The following USP50 variants were observed in gnomAD, a reference collection of about 807,000 sequenced individuals.
The protein encoded by USP50 is ubiquitin carboxyl-terminal hydrolase 50.
In USP50, 37 loss-of-function variants were observed where a neutral mutation model predicts 39.2. The ratio of observed to expected loss-of-function variants is 0.94; its 90% confidence interval spans 0.73 to 1.24. The LOEUF (loss-of-function observed/expected upper bound fraction) is 1.24, where lower values mean the gene tolerates loss of function less well. USP50 is among the 50% of genes most tolerant of loss of function. USP50 has a pLI of 0.00. For synonymous variants in USP50, 139 were observed against 144.5 expected, an observed-to-expected ratio of 0.96 and a Z score of 0.27; for missense variants, 374 against 398.2, an observed-to-expected ratio of 0.94 and a Z score of 0.52.
At chr15:50,522,911 G>A (rs2052861208) in intron 6 of USP50, among the ~76,000 whole-genome samples, 1 of 152,016 alleles carries the variant, frequency 6.6e-6, no homozygotes, top group Admixed American at 6.6e-5. Flanking sequence ...GCCTCCCAAA[G>A]TGCTGGGATT....
At chr15:50,522,753 C>A (rs761815432) in intron 6 of USP50, among the ~76,000 whole-genome samples, 1 of 152,120 alleles carries the variant, frequency 6.6e-6, no homozygotes, top group Non-Finnish European at 1.5e-5. Flanking sequence ...TCAAGTGATT[C>A]TCCTGCCTCA....
At chr15:50,506,589 G>A (rs1031656719) in intron 6 of USP50, 2 of 152,082 alleles carry the variant, frequency 1.3e-5, no homozygotes, top group East Asian at 3.8e-4. Flanking sequence ...AGAAGATGAC[G>A]ACAAGTAAAT....
At chr15:50,540,974 G>T in intron 4 of USP50, 75 bp downstream of exon 4, 2 of 1,141,014 alleles carry the variant, frequency 1.8e-6, no homozygotes, top group Admixed American at 2.1e-5. Context: ...CTAAACAAAT[G>T]TAGGAAACAG....
At chr15:50,499,679 C>T (rs1320338240), downstream of USP50, 3 of 151,574 alleles carry the variant, frequency 2.0e-5, no homozygotes, top group East Asian at 5.8e-4. Context: ...TGTATTTGTG[C>T]ACTAAATCTT....
At chr15:50,541,508 G>A (rs192001198) in intron 3 of USP50, among the ~76,000 whole-genome samples, 37 of 151,292 alleles carry the variant, frequency 2.4e-4, no homozygotes, top group Non-Finnish European at 4.4e-4. Context: ...GTGAGACCAT[G>A]TTTCCAAAAA....
intron 6 of USP50, chr15:50,514,322 C>T (rs1411345568): frequency 6.6e-6 from 1 of 152,190 alleles, no homozygotes. Context: ...CTGCTGGTTA[C>T]ATGGGTATGT....
At chr15:50,538,899 C>T (rs1351610408) in intron 4 of USP50, 48 bp from the exon 5 acceptor site, 1 of 1,554,066 alleles carries the variant, frequency 6.4e-7, no homozygotes, top group East Asian at 2.3e-5. Context: ...TCAACTGCAA[C>T]CTGCACTCTC....
At chr15:50,493,352 A>G, downstream of USP50, 1 of 520,310 alleles carries the variant, frequency 1.9e-6, no homozygotes, top group Non-Finnish European at 3.8e-6. Context: ...CAGTATGTGA[A>G]TAATTTCATG....
intron 5 of USP50, among the ~76,000 whole-genome samples, chr15:50,534,914 G>C (rs1326489220): frequency 2.0e-5 from 3 of 152,168 alleles, no homozygotes; most frequent in Non-Finnish European, 4.4e-5. Flanking sequence ...GCCGAGGTGG[G>C]CGGGCCACTT....
chr15:50,513,882 A>G (rs184907141), intron 6 of USP50: 1 of 152,202 alleles, frequency 6.6e-6, no homozygotes, highest in Admixed American at 6.5e-5. Flanking sequence ...AGCCAGACAT[A>G]TGCGTATTTC....
rs749571683 is a variant in USP50, at chr15:50,500,802, A to G, written c.972T>C (p.Thr324=). The G allele has an allele frequency of 7.5e-6, 12 of 1,590,556 alleles. No homozygotes were observed. In the Admixed American group the frequency reaches 1.8e-4, roughly 24 times the overall value. ...HFGDLDGGHY[T]AFCKNSVTQA The stretch of plus-strand genomic sequence containing the variant: ...GGGTGACTGAATTCTTGCAGAAAGC[A>G]GTGTAGTGGCCACCATCCAAATCAC... The change falls in exon 7 of 7, where the codon ACT becomes ACC. Residue 324 remains threonine (T), a synonymous_variant. Coordinates refer to ENST00000532404, the MANE Select transcript of USP50 (RefSeq NM_203494.5).
intron 6 of USP50, chr15:50,506,375 C>T (rs1048772426): frequency 6.6e-6 from 1 of 152,158 alleles, no homozygotes; most frequent in African/African-American, 2.4e-5. Flanking sequence ...TGTGAGGGAT[C>T]TAGGTTGCGT....
At chr15:50,532,224 G>A (rs1043275472) in intron 5 of USP50, 1 of 456,136 alleles carries the variant, frequency 2.2e-6, no homozygotes, top group African/African-American at 2.0e-5. Flanking sequence ...ATCTCCTCAT[G>A]CTTCTGGCAA....
Position 50,541,208 on chromosome 15 carries a change from C to G in USP50, c.501G>C (p.Arg167Ser), listed in dbSNP as rs966467450. The G allele has an allele frequency of 3.1e-6, 5 of 1,613,810 alleles. No individual in the cohort carries two copies. In the African/African-American group the frequency reaches 6.7e-5, roughly 22 times the overall value. The change falls in exon 4 of 7, where the codon AGG becomes AGC. Residue 167 changes from arginine to serine, a missense_variant. Physicochemically the swap from Arg to Ser is moderately radical, Grantham distance 110 (BLOSUM62 -1). Coordinates refer to ENST00000532404, the MANE Select transcript of USP50 (RefSeq NM_203494.5). ...YEKGSTQRCCRKWITTETSII... is the reference protein window; with the variant it reads ...YEKGSTQRCCSKWITTETSII... ...TGGATGTCTCAGTGGTAATCCACTT[C>G]CTGCAGCATCTCTGAGTAGATCCTT... is the stretch of plus-strand genomic sequence containing the variant.
Position 50,543,771 on chromosome 15 carries a change from C to T in USP50, c.271G>A (p.Ala91Thr). ...LQNDCSEVAT[A>T]FAYLMTDMWL... ...ATGTCTGTCATCAGATAGGCAAAAG[C>T]AGTGGCAACTTCACTGCAATCGCTT... Residue 91 changes from alanine to threonine, a missense_variant, in exon 3 of 7, where the codon GCT (alanine) becomes ACT (threonine). Ala to Thr is a moderately conservative substitution (Grantham distance 58, BLOSUM62 0). Transcript: ENST00000532404. 1 of 1,608,940 alleles carries T rather than the reference C, an allele frequency of 6.2e-7. No homozygotes were observed. Among genetic ancestry groups the T allele is most frequent in the Non-Finnish European group, 8.5e-7 (1 of 1,177,388 alleles).
rs1467284951 is a variant in USP50, at chr15:50,494,642, A to T, written n.185-512T>A. Among the ~76,000 whole-genome samples the T allele has an allele frequency of 2.0e-5, 3 of 152,336 alleles. No individual in the cohort carries two copies. In the East Asian group the frequency reaches 5.8e-4, roughly 29 times the overall value. ...TTATATAATATGTATATGTTATTGT[A>T]CATATCCTTATTCTTTTCTTTTTCC... is the stretch of plus-strand genomic sequence containing the variant. On this transcript the variant is annotated intron_variant and non_coding_transcript_variant, in intron 1 of 1. Transcript: ENST00000560159.
In USP50 at chr15:50,538,717, G is replaced by A. The variant is rs1218510674; in HGVS notation, c.795C>T (p.His265=). The A allele has an allele frequency of 6.3e-7, 1 of 1,585,702 alleles. No homozygotes were observed. Among genetic ancestry groups the A allele is most frequent in the African/African-American group, 1.3e-5 (1 of 74,230 alleles). ...ISKAPKIIIF[H]LKRFDIQGTT... is the part of the protein sequence containing the mutation. ...AATGTAAAAATCCATACCTTTTTAG[G>A]TGGAAAATAATTATTTTTGGTGCTT... The change falls in exon 5 of 7, where the codon CAC becomes CAT. Residue 265 remains histidine (H), a synonymous_variant. Transcript: ENST00000532404.
chr15:50,513,918 A>G (rs2052772561), intron 6 of USP50: 1 of 152,194 alleles, frequency 6.6e-6, no homozygotes, highest in African/African-American at 2.4e-5. Context: ...ACTCCTAGGT[A>G]TGTACTCAAA....
chr15:50,527,398 G>A (rs911862925), intron 6 of USP50, among the ~76,000 whole-genome samples: 20 of 151,584 alleles, frequency 1.3e-4, no homozygotes, highest in South Asian at 8.3e-4. Context: ...TAGTAGAGAT[G>A]GGGTTTCACC....
Sources: allele counts gnomAD v4.1 joint callset (sites outside exome capture counted in the v4.1 genomes callset), GRCh38; gene constraint gnomAD v4.1.1; transcripts MANE v1.5; gene names NCBI Gene and HGNC (gene_info 2026-07-23, HGNC 2026-07-21).